STXBP6: variants seen among roughly 807,000 people sequenced by gnomAD.
The protein encoded by STXBP6 is syntaxin-binding protein 6.
A neutral mutation model predicts 26.9 loss-of-function variants in STXBP6; 21 were observed. The observed-to-expected ratio is 0.78, with a 90% CI of 0.55 to 1.12. The LOEUF (loss-of-function observed/expected upper bound fraction) is 1.12. Ranked by LOEUF, STXBP6 falls within the 50% of genes most tolerant of loss-of-function variation. The pLI, the probability that STXBP6 is intolerant of heterozygous loss-of-function variation, is 0.00. For synonymous variants in STXBP6, 97 were observed against 92.6 expected (o/e 1.05, Z -0.27); for missense variants, 232 against 257.9 (o/e 0.90, Z 0.69).
chr14:24,916,937 G>A (rs2071790219), intron 2 of STXBP6, among the ~76,000 whole-genome samples: 1 of 152,036 alleles, frequency 6.6e-6, no homozygotes, highest in African/African-American at 2.4e-5. Context: ...GTTAACTCTT[G>A]GACACAAACA....
intron 1 of STXBP6, among the ~76,000 whole-genome samples, chr14:25,043,224 T>G (rs1001584489): frequency 6.6e-6 from 1 of 152,224 alleles, no homozygotes; most frequent in African/African-American, 2.4e-5. Flanking sequence ...AACAAAACCC[T>G]TTTAATTCAG....
At chr14:24,842,926 A>C (rs1382083117) in intron 4 of STXBP6, among the ~76,000 whole-genome samples, 2 of 152,214 alleles carry the variant, frequency 1.3e-5, no homozygotes, top group Non-Finnish European at 2.9e-5. Flanking sequence ...TTCAGCTTTT[A>C]ATGGATAGAG....
chr14:24,950,849 C>T (rs560516135), intron 2 of STXBP6, among the ~76,000 whole-genome samples: 7 of 152,196 alleles, frequency 4.6e-5, no homozygotes, highest in African/African-American at 1.2e-4. Flanking sequence ...CCCATCAACC[C>T]GTCGCCTACA....
intron 4 of STXBP6, among the ~76,000 whole-genome samples, chr14:24,821,754 G>C (rs2068141454): frequency 6.6e-6 from 1 of 151,936 alleles, no homozygotes; most frequent in Non-Finnish European, 1.5e-5. Context: ...TACAATCACG[G>C]GCAACTCTTC....
At chr14:24,845,692 C>T (rs1391781824) in intron 4 of STXBP6, among the ~76,000 whole-genome samples, 1 of 152,136 alleles carries the variant, frequency 6.6e-6, no homozygotes, top group Non-Finnish European at 1.5e-5. Flanking sequence ...AATGGCTTCC[C>T]AAACTTGTCC....
intron 4 of STXBP6, among the ~76,000 whole-genome samples, chr14:24,843,464 G>A (rs2068844756): frequency 1.3e-5 from 2 of 152,162 alleles, no homozygotes; most frequent in Non-Finnish European, 2.9e-5. Flanking sequence ...AGGAAGACAG[G>A]ATTAAAAGAA....
At chr14:24,817,602 G>A (rs1045502681) in intron 5 of STXBP6, 5 of 161,882 alleles carry the variant, frequency 3.1e-5, no homozygotes, top group African/African-American at 1.2e-4. Flanking sequence ...CTGAAATCAC[G>A]GAAGCTGCTG....
intron 1 of STXBP6, among the ~76,000 whole-genome samples, chr14:24,978,395 G>A (rs1190261802): frequency 1.3e-5 from 2 of 152,206 alleles, no homozygotes; most frequent in Admixed American, 6.5e-5. Flanking sequence ...ATCATTTCAG[G>A]AGAGAATATA....
At chr14:24,897,119 GA>G (rs1349618974) in intron 2 of STXBP6, among the ~76,000 whole-genome samples, 1 of 152,138 alleles carries the variant, frequency 6.6e-6, no homozygotes, top group Non-Finnish European at 1.5e-5. Context: ...GAAACCAAAA[GA>G]TTTTTTTAGG....
At chr14:25,017,554 A>T (rs139060424) in intron 1 of STXBP6, among the ~76,000 whole-genome samples, 1 of 152,234 alleles carries the variant, frequency 6.6e-6, no homozygotes, top group Non-Finnish European at 1.5e-5. Context: ...GCTTGACAGT[A>T]TAAGGTAAGG....
At chr14:24,816,610 T>A (rs2067984281) in intron 5 of STXBP6, 1 of 151,722 alleles carries the variant, frequency 6.6e-6, no homozygotes, top group Non-Finnish European at 1.5e-5. Flanking sequence ...GCCTCACCCC[T>A]CCCGAGTGAA....
chr14:25,011,624 ATT>A (rs972933034), intron 1 of STXBP6, among the ~76,000 whole-genome samples: 1 of 152,200 alleles, frequency 6.6e-6, no homozygotes, highest in Non-Finnish European at 1.5e-5. Context: ...ATCCAGTTAT[ATT>A]TTAAGTAGCC....
At chr14:24,972,295 T>A (rs1281715586) in intron 2 of STXBP6, among the ~76,000 whole-genome samples, 1 of 152,214 alleles carries the variant, frequency 6.6e-6, no homozygotes, top group Non-Finnish European at 1.5e-5. Context: ...GGAAATACAG[T>A]TATTCCGTAA....
intron 2 of STXBP6, chr14:24,878,906 G>C (rs1251058487): frequency 4.1e-5 from 14 of 340,276 alleles, no homozygotes; most frequent in Non-Finnish European, 8.5e-5. Flanking sequence ...GAACTATAAA[G>C]AATTACTATA....
intron 2 of STXBP6, among the ~76,000 whole-genome samples, chr14:24,968,105 T>G (rs895765436): frequency 2.1e-4 from 32 of 151,124 alleles, no homozygotes; most frequent in South Asian, 4.2e-4. Context: ...ATGAATACTT[T>G]TAACTTTTAT....
chr14:24,871,325 A>G (rs1248349757), intron 2 of STXBP6, among the ~76,000 whole-genome samples: 4 of 152,186 alleles, frequency 2.6e-5, no homozygotes, highest in African/African-American at 9.6e-5. Context: ...TATCCACTGA[A>G]TGAACACTAT....
intron 1 of STXBP6, among the ~76,000 whole-genome samples, chr14:25,038,081 ACACT>A (rs1041149522): frequency 6.6e-6 from 1 of 151,700 alleles, no homozygotes; most frequent in African/African-American, 2.4e-5. Flanking sequence ...ACACACACAC[ACACT>A]CACACACACA....
At chr14:24,991,146 G>A (rs1193005124) in intron 1 of STXBP6, among the ~76,000 whole-genome samples, 1 of 146,174 alleles carries the variant, frequency 6.8e-6, no homozygotes, top group Non-Finnish European at 1.5e-5. Context: ...GGAGGAGGAA[G>A]AGAAAGAGGA....
At chr14:25,010,252 G>C (rs750194369) in intron 1 of STXBP6, among the ~76,000 whole-genome samples, 16 of 152,182 alleles carry the variant, frequency 1.1e-4, no homozygotes, top group Non-Finnish European at 2.4e-4. Context: ...GCCCAAAGTA[G>C]CCTCTAATCA....
Sources: gnomAD v4.1 joint callset for allele counts (sites outside exome capture counted in the v4.1 genomes callset) on GRCh38, gnomAD v4.1.1 for gene constraint, MANE v1.5 for transcripts, NCBI Gene and HGNC (gene_info 2026-07-23, HGNC 2026-07-21) for gene names.